SNX2: variants seen among roughly 807,000 people sequenced by gnomAD.
SNX2 encodes the protein sorting nexin 2.
In SNX2, 25 loss-of-function variants were observed where a neutral mutation model predicts 69.9. The observed-to-expected ratio is 0.36, with a 90% CI of 0.26 to 0.50. The LOEUF (loss-of-function observed/expected upper bound fraction) is 0.50, where lower values mean the gene tolerates loss of function less well. SNX2 is among the 20% of genes least tolerant of loss of function. SNX2 has a pLI of 0.97. For synonymous variants in SNX2, 229 were observed against 200.4 expected, an observed-to-expected ratio of 1.14 and a Z score of -1.20; for missense variants, 551 against 613.3, an observed-to-expected ratio of 0.90 and a Z score of 1.07.
rs200375716 is a variant in SNX2, at chr5:122,783,103, A to ATT, written c.108+7906_108+7907dup. 5.7e-3 allele frequency among the ~76,000 whole-genome samples: 818 copies of ATT among 144,218 alleles called. 7 individuals are homozygous for ATT. Among genetic ancestry groups the ATT allele is most frequent in the Middle Eastern group, 0.022 (6 of 276 alleles). 94.6% of individuals were successfully genotyped at this position (144,218 alleles called of 152,430 possible). A position where few individuals can be genotyped will look rare whatever the true frequency, so the allele number is the denominator to read the frequency against. On this transcript the variant is annotated intron_variant, in intron 1 of 14. Transcript: ENST00000379516. Reference sequence around the variant, plus strand: ...ACACACGTGCCACCATGCCCAGCTAATTTTTTTTTTTTTTTGTATTTTTAG... The same window carrying ATT: ...ACACACGTGCCACCATGCCCAGCTAATTTTTTTTTTTTTTTTTGTATTTTTAG...
rs1754259892 is a variant in SNX2, at chr5:122,830,421, A to G, written c.*773A>G. ...GAAAAAAATGTATTTATATACTTTT[A>G]CAAGTCCCATGGATTTTGTTCATCT... On this transcript the variant is annotated 3_prime_UTR_variant, in exon 15 of 15. Transcript: ENST00000379516. Among the ~76,000 whole-genome samples, 1 of 152,208 alleles carries G rather than the reference A, an allele frequency of 6.6e-6. No individual in the cohort carries two copies. Among genetic ancestry groups the G allele is most frequent in the Non-Finnish European group, 1.5e-5 (1 of 68,030 alleles).
At chr5:122,792,065 TC>T (rs1270113068) in intron 1 of SNX2, among the ~76,000 whole-genome samples, 2 of 152,220 alleles carry the variant, frequency 1.3e-5, no homozygotes, top group Admixed American at 6.5e-5. Flanking sequence ...TTCTTTAAAT[TC>T]CTTCAAGTGA....
chr5:122,824,854 G>GATA (rs1018051636), intron 11 of SNX2, among the ~76,000 whole-genome samples: 4 of 152,126 alleles, frequency 2.6e-5, no homozygotes, highest in Non-Finnish European at 5.9e-5. Context: ...TGTACCTACT[G>GATA]ATTATTAAGC....
intron 1 of SNX2, among the ~76,000 whole-genome samples, chr5:122,786,378 T>TATTA (rs1753088976): frequency 6.6e-6 from 1 of 152,198 alleles, no homozygotes; most frequent in African/African-American, 2.4e-5. Context: ...CCGTTTTATT[T>TATTA]GCTTACTGTT....
At chr5:122,786,252 G>T (rs1036071229) in intron 1 of SNX2, among the ~76,000 whole-genome samples, 5 of 151,518 alleles carry the variant, frequency 3.3e-5, no homozygotes, top group African/African-American at 9.7e-5. Context: ...TTTCAAGCAG[G>T]TTTTTTTTAG....
chr5:122,794,144 C>T lies in SNX2; in HGVS notation c.109-1122C>T, dbSNP rs188028618. On this transcript the variant is annotated intron_variant, in intron 1 of 14. Transcript: ENST00000379516. ...TGACCAACATGGTGAAACCCTGTCT[C>T]TACTAAAAATACAAAAATTAGCCGG... Among the ~76,000 whole-genome samples the T allele has an allele frequency of 2.0e-5, 3 of 152,120 alleles. No homozygotes were observed. In the East Asian group the frequency reaches 5.8e-4, roughly 30 times the overall value.
At chr5:122,796,473 C>CTT (rs3836761) in intron 2 of SNX2, among the ~76,000 whole-genome samples, 30,874 of 152,040 alleles carry the variant, frequency 0.2, 3,539 homozygotes, top group East Asian at 0.46. Context: ...ATCATCTTCT[C>CTT]TTTAAAATTT....
At chr5:122,780,561 C>A (rs1454902016) in intron 1 of SNX2, among the ~76,000 whole-genome samples, 1 of 144,074 alleles carries the variant, frequency 6.9e-6, no homozygotes, top group African/African-American at 2.6e-5. Flanking sequence ...AACTTGTTTT[C>A]TTTTCTTTTC....
chr5:122,799,892 T>C (rs763965164), intron 3 of SNX2, 37 bp downstream of exon 3: 1 of 1,516,920 alleles, frequency 6.6e-7, no homozygotes, highest in Admixed American at 1.8e-5. Flanking sequence ...TATGTAAATA[T>C]ATACCTTTTT....
intron 6 of SNX2, among the ~76,000 whole-genome samples, chr5:122,806,169 G>GCACACACACACAC (rs1561461336): frequency 7.3e-6 from 1 of 137,252 alleles, no homozygotes; most frequent in Non-Finnish European, 1.6e-5. Context: ...CACACACACA[G>GCACACACACACAC]CCCACCATTC....
intron 1 of SNX2, among the ~76,000 whole-genome samples, chr5:122,782,688 C>T (rs1236655196): frequency 6.6e-6 from 1 of 151,892 alleles, no homozygotes; most frequent in Non-Finnish European, 1.5e-5. Context: ...AGGTGCCCAC[C>T]ACCATGCCCA....
chr5:122,795,192 C>G (rs553596518), intron 1 of SNX2, 74 bp from the exon 2 acceptor site: 1 of 902,714 alleles, frequency 1.1e-6, no homozygotes, highest in African/African-American at 1.7e-5. Flanking sequence ...TGTTCTATTT[C>G]TGTAGTACAT....
chr5:122,786,122 T>C (rs1342458379), intron 1 of SNX2, among the ~76,000 whole-genome samples: 2 of 152,220 alleles, frequency 1.3e-5, no homozygotes, highest in Admixed American at 1.3e-4. Flanking sequence ...TGTCCCTTTT[T>C]ATTGATGATA....
chr5:122,795,540 T>G (rs1753358140), intron 2 of SNX2, 157 bp downstream of exon 2: 1 of 593,104 alleles, frequency 1.7e-6, no homozygotes, highest in Non-Finnish European at 3.0e-6. Context: ...CACATCACTC[T>G]ATGAAAAATG....
intron 11 of SNX2, among the ~76,000 whole-genome samples, chr5:122,823,200 G>A (rs1001685403): frequency 2.0e-5 from 3 of 152,098 alleles, no homozygotes; most frequent in African/African-American, 4.8e-5. Flanking sequence ...TTAGTATCTT[G>A]ACATACAAAG....
intron 6 of SNX2, among the ~76,000 whole-genome samples, chr5:122,806,168 A>ACACACACACACACC (rs1491247026): frequency 6.2e-5 from 9 of 145,642 alleles, no homozygotes; most frequent in African/African-American, 2.3e-4. Flanking sequence ...ACACACACAC[A>ACACACACACACACC]GCCCACCATT....
intron 3 of SNX2, among the ~76,000 whole-genome samples, chr5:122,800,982 C>CT (rs58315462): frequency 0.13 from 19,087 of 152,162 alleles, 1,510 homozygotes; most frequent in East Asian, 0.36. Flanking sequence ...ATTTTTCCCA[C>CT]TTACTGCTTT....
At chr5:122,789,473 G>GCA (rs1753175052) in intron 1 of SNX2, among the ~76,000 whole-genome samples, 1 of 36,750 alleles carries the variant, frequency 2.7e-5, no homozygotes, top group Non-Finnish European at 5.2e-5. Flanking sequence ...AGACACACAC[G>GCA]GACACACACA....
chr5:122,806,140 GCGCACA>G (rs1461864318), intron 6 of SNX2, among the ~76,000 whole-genome samples: 4 of 30,248 alleles, frequency 1.3e-4, no homozygotes, highest in East Asian at 2.2e-3. Flanking sequence ...ACACACGCGC[GCGCACA>G]CACACACACA....
Sources: allele counts gnomAD v4.1 joint callset (sites outside exome capture counted in the v4.1 genomes callset), GRCh38; gene constraint gnomAD v4.1.1; transcripts MANE v1.5; gene names NCBI Gene and HGNC (gene_info 2026-07-23, HGNC 2026-07-21).